Variants in NBPF20 observed in about 807,000 individuals in gnomAD.
NBPF20 encodes NBPF member 20.
In NBPF20, 90 loss-of-function variants were observed where a neutral mutation model predicts 68.1. The ratio of observed to expected loss-of-function variants is 1.32; its 90% confidence interval spans 1.11 to 1.58. NBPF20 has a LOEUF of 1.58. NBPF20 is among the 40% of genes most tolerant of loss of function. The pLI is 0.00. For missense variants in NBPF20, 816 were observed against 601.2 expected (o/e 1.36, Z -3.74); for synonymous variants, 290 against 228.1 (o/e 1.27, Z -2.45).
chr1:145,406,255 G>A (rs2101595742), upstream of NBPF20, among the ~76,000 whole-genome samples: 1 of 151,780 alleles, frequency 6.6e-6, no homozygotes, highest in African/African-American at 2.4e-5. Context: ...ACTCAGGTGG[G>A]TATATATGCC....
the NBPF20 span, among the ~76,000 whole-genome samples, chr1:145,410,886 TAC>T: frequency 7.2e-4 from 89 of 124,312 alleles, no homozygotes; most frequent in Admixed American, 5.3e-4. Context: ...TATATATGTA[TAC>T]ACACACACAC....
exon 138 of NBPF20, chr1:145,291,116 AAAG>A (rs1661041385): frequency 6.8e-6 from 2 of 294,224 alleles, no homozygotes; most frequent in Non-Finnish European, 1.3e-5. Flanking sequence ...CTGAAGACAC[AAAG>A]AATGAGGTTA....
chr1:145,411,387 C>CTTTTTTT, the NBPF20 span, among the ~76,000 whole-genome samples: 3 of 106,168 alleles, frequency 2.8e-5, no homozygotes, highest in African/African-American at 3.8e-5. Context: ...GTTGACTTTC[C>CTTTTTTT]TTTTTTTTTT....
chr1:145,415,316 G>T, the NBPF20 span, among the ~76,000 whole-genome samples: 2 of 151,860 alleles, frequency 1.3e-5, no homozygotes, highest in African/African-American at 2.4e-5. Context: ...GCTTTACACC[G>T]AGACATTCCA....
chr1:145,403,053 A>G (rs1662600063), intron 3 of NBPF20, among the ~76,000 whole-genome samples, 163 bp downstream of exon 8: 1 of 151,368 alleles, frequency 6.6e-6, no homozygotes, highest in South Asian at 2.1e-4. Flanking sequence ...CATTTTTATT[A>G]TCCTTCTTCT....
chr1:145,412,183 G>T, the NBPF20 span, among the ~76,000 whole-genome samples: 1 of 151,556 alleles, frequency 6.6e-6, no homozygotes, highest in African/African-American at 2.4e-5. Flanking sequence ...AGGTTGAAAA[G>T]GAGGAGGTAC....
At chr1:145,425,331 C>A in the NBPF20 span, among the ~76,000 whole-genome samples, 1 of 151,796 alleles carries the variant, frequency 6.6e-6, no homozygotes, top group Non-Finnish European at 1.5e-5. Flanking sequence ...ACCGCCCGCC[C>A]GGCCTGGCGC....
intron 7 of NBPF20, 49 bp from the exon 13 acceptor site, chr1:145,395,190 A>G: frequency 8.4e-7 from 1 of 1,184,336 alleles, no homozygotes; most frequent in Non-Finnish European, 1.2e-6. Flanking sequence ...ACCAACAGAC[A>G]TTAGACAACA....
exon 138 of NBPF20, chr1:145,291,447 A>G: frequency 5.0e-6 from 8 of 1,611,766 alleles, no homozygotes; most frequent in Non-Finnish European, 5.9e-6. Flanking sequence ...TCCAAATGGA[A>G]CTGTACTTTC....
chr1:145,400,799 C>A (rs1354528017), intron 5 of NBPF20, among the ~76,000 whole-genome samples: 2 of 152,082 alleles, frequency 1.3e-5, no homozygotes, highest in African/African-American at 4.8e-5. Context: ...AAGAGAGCAG[C>A]TGCTGTTCAT....
intron 9 of NBPF20, 137 bp downstream of exon 14, chr1:145,393,747 A>G: frequency 4.6e-6 from 7 of 1,514,788 alleles, no homozygotes; most frequent in Non-Finnish European, 6.3e-6. Context: ...AATGAGAACC[A>G]GAAAGCAATG....
At chr1:145,341,129 C>G (rs1301229229) in intron 75 of NBPF20, among the ~76,000 whole-genome samples, 190 bp from the exon 81 acceptor site, 13 of 84,844 alleles carry the variant, frequency 1.5e-4, no homozygotes, top group African/African-American at 4.7e-4. Flanking sequence ...AAGAGAAAGA[C>G]AGAGAGAGAG....
chr1:145,393,875 C>A lies in NBPF20; in HGVS notation c.1043+9G>T. The A allele has an allele frequency of 3.2e-6, 5 of 1,547,018 alleles. No homozygotes were observed. Among genetic ancestry groups the A allele is most frequent in the Non-Finnish European group, 4.4e-6 (5 of 1,131,920 alleles). On this transcript the variant is annotated intron_variant, in intron 9 of 137. Coordinates refer to ENST00000369373, the Ensembl canonical transcript of NBPF20. The stretch of plus-strand genomic sequence containing the variant: ...ATCAAATTAACTCTCCACAATTTCT[C>A]AGACTCACCTGGGACCTGTTGCCTC...
intron 8 of NBPF20, among the ~76,000 whole-genome samples, chr1:145,394,564 G>T (rs1445703527): frequency 6.6e-6 from 1 of 152,020 alleles, no homozygotes; most frequent in Admixed American, 6.6e-5. Context: ...GGTGACACTG[G>T]CCTTGGGCGG....
exon 138 of NBPF20, chr1:145,291,485 C>A (rs782743163): frequency 1.2e-6 from 2 of 1,611,996 alleles, no homozygotes; most frequent in South Asian, 1.1e-5. Context: ...CCTATAGGTC[C>A]TGCCTGCAGG....
At chr1:145,408,741 T>C (rs1553668325), upstream of NBPF20, among the ~76,000 whole-genome samples, 3 of 152,076 alleles carry the variant, frequency 2.0e-5, no homozygotes, top group Admixed American at 6.6e-5. Context: ...GATATATATT[T>C]ATTTAGCCTT....
upstream of NBPF20, among the ~76,000 whole-genome samples, chr1:145,406,248 C>T (rs1234929184): frequency 3.3e-5 from 5 of 151,860 alleles, no homozygotes; most frequent in Admixed American, 3.3e-4. Flanking sequence ...TCTCTTTACT[C>T]AGGTGGGTAT....
chr1:145,289,940 C>A (rs1310239129), exon 138 of NBPF20: 3 of 127,274 alleles, frequency 2.4e-5, no homozygotes, highest in East Asian at 2.1e-4. Flanking sequence ...CAGTACCCAC[C>A]AAAACCAATC....
intron 9 of NBPF20, chr1:145,393,683 C>T (rs1241025451): frequency 2.6e-5 from 36 of 1,408,584 alleles, no homozygotes; most frequent in Non-Finnish European, 3.3e-5. Flanking sequence ...TCAACTTTCA[C>T]TAGGTTAGTA....
Sources: gnomAD v4.1 joint callset for allele counts (sites outside exome capture counted in the v4.1 genomes callset) on GRCh38, gnomAD v4.1.1 for gene constraint, MANE v1.5 for transcripts, NCBI Gene and HGNC (gene_info 2026-07-23, HGNC 2026-07-21) for gene names.